The following GPM6A variants were observed in gnomAD, a reference collection of about 807,000 sequenced individuals.
The protein encoded by GPM6A is glycoprotein M6A.
In GPM6A, 7 loss-of-function variants were observed where a neutral mutation model predicts 32.1. The ratio of observed to expected loss-of-function variants is 0.22; its 90% CI spans 0.12 to 0.41. The LOEUF (loss-of-function observed/expected upper bound fraction) is 0.41. Ranked by LOEUF, GPM6A falls within the 10% of genes least tolerant of loss-of-function variation. The pLI, the probability that GPM6A is intolerant of heterozygous loss-of-function variation, is 1.00. For missense variants in GPM6A, 235 were observed against 347.2 expected, an observed-to-expected ratio of 0.68 and a Z score of 2.57; for synonymous variants, 130 against 123.4, an observed-to-expected ratio of 1.05 and a Z score of -0.35.
intron 1 of GPM6A, among the ~76,000 whole-genome samples, chr4:175,855,117 G>GT (rs1736377876): frequency 6.6e-6 from 1 of 152,020 alleles, no homozygotes; most frequent in African/African-American, 2.4e-5. Context: ...TAGTTCCACA[G>GT]TATTTTTTCT....
intron 1 of GPM6A, among the ~76,000 whole-genome samples, chr4:175,797,955 C>T (rs1734302711): frequency 1.3e-5 from 2 of 152,028 alleles, no homozygotes; most frequent in Admixed American, 1.3e-4. Flanking sequence ...CCAGGATCCA[C>T]AAAAATAGAA....
chr4:175,954,261 T>C (rs1264338998), intron 1 of GPM6A, among the ~76,000 whole-genome samples: 1 of 152,216 alleles, frequency 6.6e-6, no homozygotes, highest in South Asian at 2.1e-4. Context: ...TGGCTAAGGC[T>C]CTGGTATTGT....
At chr4:175,794,656 G>A (rs1204289525) in intron 1 of GPM6A, among the ~76,000 whole-genome samples, 2 of 152,188 alleles carry the variant, frequency 1.3e-5, no homozygotes, top group Admixed American at 1.3e-4. Context: ...CATGACTTAT[G>A]ATGAATATGG....
At chr4:175,914,988 T>C (rs1738444815) in intron 1 of GPM6A, among the ~76,000 whole-genome samples, 1 of 152,202 alleles carries the variant, frequency 6.6e-6, no homozygotes. Flanking sequence ...TTTTAATTAA[T>C]ATTGATTTTA....
intron 1 of GPM6A, among the ~76,000 whole-genome samples, chr4:175,747,611 A>G (rs1732160737): frequency 6.6e-6 from 1 of 152,180 alleles, no homozygotes; most frequent in African/African-American, 2.4e-5. Context: ...AACAATGTAT[A>G]TACTTTAATT....
chr4:175,650,270 TTTTATTTATTTATTTATTTA>T lies in GPM6A; in HGVS notation c.541+1544_541+1563del, dbSNP rs140528336. Among the ~76,000 whole-genome samples, 594 of 143,136 alleles carry T rather than the reference TTTTATTTATTTATTTATTTA, an allele frequency of 4.1e-3. 4 individuals carry two copies. The highest frequency in any genetic ancestry group is 0.012 in the South Asian group (53 of 4,398). 93.9% of individuals were successfully genotyped at this position (143,136 alleles called of 152,430 possible). A position where few individuals can be genotyped will look rare whatever the true frequency, so the allele number is the denominator to read the frequency against. On this transcript the variant is annotated intron_variant, in intron 4 of 6. Coordinates refer to ENST00000393658, the MANE Select transcript of GPM6A (RefSeq NM_201591.3). Reference sequence around the variant, plus strand: ...TATTTGGCACTCTTTGATTTCATTATTTTATTTATTTATTTATTTATTTATTTATTTATTTATTTATTTAT... The same window carrying T: ...TATTTGGCACTCTTTGATTTCATTATTTTATTTATTTATTTATTTATTTAT...
intron 1 of GPM6A, among the ~76,000 whole-genome samples, chr4:175,726,323 CTAG>C (rs1254798989): frequency 6.6e-6 from 1 of 152,124 alleles, no homozygotes; most frequent in Admixed American, 6.6e-5. Flanking sequence ...ACTAATGCAA[CTAG>C]AGTTCATTTG....
chr4:175,687,181 C>T (rs1166725681), intron 2 of GPM6A, among the ~76,000 whole-genome samples: 2 of 152,126 alleles, frequency 1.3e-5, no homozygotes, highest in African/African-American at 4.8e-5. Context: ...CAGTAAATAA[C>T]ACAGAATATG....
At chr4:175,732,179 A>G (rs546323786) in intron 1 of GPM6A, among the ~76,000 whole-genome samples, 11 of 150,826 alleles carry the variant, frequency 7.3e-5, no homozygotes, top group Non-Finnish European at 1.5e-4. Context: ...GTTGGCCAGG[A>G]TGGTCTCGAT....
chr4:175,661,434 CAAA>C (rs3032612), intron 3 of GPM6A, among the ~76,000 whole-genome samples: 390 of 111,838 alleles, frequency 3.5e-3, no homozygotes, highest in Non-Finnish European at 4.5e-3. Flanking sequence ...GACTCTGTCT[CAAA>C]AAAAAAAAAA....
chr4:175,870,283 A>T (rs1197805359), intron 1 of GPM6A, among the ~76,000 whole-genome samples: 1 of 152,014 alleles, frequency 6.6e-6, no homozygotes, highest in East Asian at 1.9e-4. Context: ...TCAGGGCAGT[A>T]ATTCAATTCC....
intron 1 of GPM6A, among the ~76,000 whole-genome samples, chr4:175,730,056 T>C (rs1384035905): frequency 1.3e-5 from 2 of 151,528 alleles, no homozygotes; most frequent in Non-Finnish European, 2.9e-5. Context: ...GATTTTCACA[T>C]TGGCTTCCAA....
chr4:175,743,440 T>C (rs529247842), intron 1 of GPM6A, among the ~76,000 whole-genome samples: 172 of 151,848 alleles, frequency 1.1e-3, no homozygotes, highest in Admixed American at 4.0e-3. Context: ...ATACAAAAGA[T>C]ACAATTAATC....
chr4:175,648,729 T>C (rs1741615659), intron 4 of GPM6A, among the ~76,000 whole-genome samples: 1 of 152,142 alleles, frequency 6.6e-6, no homozygotes, highest in Non-Finnish European at 1.5e-5. Context: ...TTCTCCATCT[T>C]TAAAGCCAGC....
intron 1 of GPM6A, among the ~76,000 whole-genome samples, chr4:175,995,464 G>A (rs1050744785): frequency 4.6e-5 from 7 of 151,312 alleles, no homozygotes; most frequent in African/African-American, 1.7e-4. Context: ...GTATATTAGC[G>A]ATTAGCGATA....
At chr4:175,677,337 C>T (rs776207013) in intron 2 of GPM6A, among the ~76,000 whole-genome samples, 2 of 152,096 alleles carry the variant, frequency 1.3e-5, no homozygotes, top group African/African-American at 2.4e-5. Flanking sequence ...TTAACATCTT[C>T]CTCCCTCTTG....
intron 1 of GPM6A, among the ~76,000 whole-genome samples, chr4:175,971,539 C>G (rs1455425764): frequency 6.6e-6 from 1 of 152,156 alleles, no homozygotes; most frequent in African/African-American, 2.4e-5. Context: ...TTAGCCCCCT[C>G]CCTCTCCTTT....
chr4:175,869,679 C>T (rs1409876474), intron 1 of GPM6A, among the ~76,000 whole-genome samples: 1 of 152,056 alleles, frequency 6.6e-6, no homozygotes, highest in African/African-American at 2.4e-5. Context: ...ATCGCTTGAA[C>T]CCAGGAGGCA....
In GPM6A at chr4:175,747,561, C is replaced by T. The variant is rs141091890; in HGVS notation, c.38-45794G>A. Among the ~76,000 whole-genome samples, 438 of 152,220 alleles carry T rather than the reference C, an allele frequency of 2.9e-3. 2 individuals are homozygous for T. Among genetic ancestry groups the T allele is most frequent in the Non-Finnish European group, 5.5e-3 (375 of 68,024 alleles). ...AGTGAATATGTTATGTTTACACTAT[C>T]CTGTAGTCTATAAAATATGCAATAG... is the stretch of plus-strand genomic sequence containing the variant. On this transcript the variant is annotated intron_variant, in intron 1 of 6. Transcript: ENST00000393658.
Sources: allele counts gnomAD v4.1 joint callset (sites outside exome capture counted in the v4.1 genomes callset), GRCh38; gene constraint gnomAD v4.1.1; transcripts MANE v1.5; gene names NCBI Gene and HGNC (gene_info 2026-07-23, HGNC 2026-07-21).